LINGO2: variants seen among roughly 807,000 people sequenced by gnomAD.
LINGO2 encodes the protein leucine-rich repeat and immunoglobulin-like domain-containing nogo receptor-interacting protein 2.
LINGO2 carries 14 observed loss-of-function variants against 30.6 expected under a neutral mutation model. That is an observed-to-expected ratio of 0.46 (90% CI 0.30 to 0.72). The LOEUF (loss-of-function observed/expected upper bound fraction) is 0.72, where lower values mean the gene tolerates loss of function less well. LINGO2 is among the 30% of genes least tolerant of loss of function. The pLI, the probability that LINGO2 is intolerant of heterozygous loss-of-function variation, is 0.07. For synonymous variants in LINGO2, 317 were observed against 288.5 expected (o/e 1.10, Z -1.00); for missense variants, 729 against 751.7 (o/e 0.97, Z 0.35).
intron 4 of LINGO2, among the ~76,000 whole-genome samples, chr9:28,047,119 T>C (rs1003700308): frequency 6.6e-6 from 1 of 152,156 alleles, no homozygotes; most frequent in Non-Finnish European, 1.5e-5. Context: ...TGGCTTAACA[T>C]GTGGTCAGTG....
exon 6 of LINGO2, chr9:27,950,396 G>T (rs1478506267): frequency 1.2e-6 from 2 of 1,614,162 alleles, no homozygotes; most frequent in East Asian, 2.2e-5. Flanking sequence ...CATTGGCAAT[G>T]ATGTTGTCAC....
the LINGO2 span, among the ~76,000 whole-genome samples, chr9:29,055,456 T>C: frequency 2.0e-5 from 3 of 152,210 alleles, no homozygotes; most frequent in Non-Finnish European, 4.4e-5. Flanking sequence ...TGTCGGTCTA[T>C]GGACATTTAG....
intron 2 of LINGO2, among the ~76,000 whole-genome samples, chr9:28,400,643 A>T (rs952747561): frequency 8.5e-5 from 13 of 152,216 alleles, no homozygotes; most frequent in Non-Finnish European, 1.3e-4. Context: ...TGATAGCTCA[A>T]ACCTTGAACA....
At chr9:28,326,482 C>G (rs1303045773) in intron 3 of LINGO2, among the ~76,000 whole-genome samples, 3 of 152,140 alleles carry the variant, frequency 2.0e-5, no homozygotes, top group Non-Finnish European at 4.4e-5. Context: ...ACTTGATATT[C>G]TATATCACTG....
At chr9:28,392,554 A>G (rs1821881568) in intron 2 of LINGO2, among the ~76,000 whole-genome samples, 1 of 152,170 alleles carries the variant, frequency 6.6e-6, no homozygotes, top group South Asian at 2.1e-4. Flanking sequence ...CGGACCTTCC[A>G]TGCTCTCTTC....
chr9:28,118,013 T>A (rs965552710), intron 4 of LINGO2, among the ~76,000 whole-genome samples: 3 of 150,890 alleles, frequency 2.0e-5, no homozygotes, highest in Admixed American at 1.3e-4. Flanking sequence ...GTCTTACTTA[T>A]AAGTGGGAGC....
the LINGO2 span, among the ~76,000 whole-genome samples, chr9:29,192,081 G>A: frequency 2.6e-5 from 4 of 151,926 alleles, no homozygotes; most frequent in East Asian, 1.9e-4. Context: ...ACAGTTACCC[G>A]CACCCTCCAA....
the LINGO2 span, among the ~76,000 whole-genome samples, chr9:28,840,859 C>T: frequency 5.3e-5 from 8 of 151,930 alleles, no homozygotes; most frequent in Non-Finnish European, 1.0e-4. Flanking sequence ...TTACCTTCAT[C>T]TCATACATTC....
Position 28,163,349 on chromosome 9 carries a change from A to G in LINGO2, c.-87+131859T>C, listed in dbSNP as rs1240964895. ...AGTGTGTGAGTATGAACAGCATGCC[A>G]AGAGGTTAGTAATAACTAGACACTG... On this transcript the variant is annotated intron_variant, in intron 4 of 5. Transcript: ENST00000379992. Among the ~76,000 whole-genome samples, 3 of 152,172 alleles carry G rather than the reference A, an allele frequency of 2.0e-5. No homozygotes were observed. In the South Asian group the frequency reaches 6.2e-4, roughly 31 times the overall value.
chr9:28,293,609 G>T (rs1345594368), intron 4 of LINGO2, among the ~76,000 whole-genome samples: 2 of 151,960 alleles, frequency 1.3e-5, no homozygotes, highest in African/African-American at 4.8e-5. Context: ...TTGATTGATG[G>T]TATTGTCCAA....
chr9:28,394,623 G>C (rs1002160134), intron 2 of LINGO2, among the ~76,000 whole-genome samples: 3 of 152,154 alleles, frequency 2.0e-5, no homozygotes, highest in African/African-American at 4.8e-5. Flanking sequence ...CTCCCTTGAT[G>C]TCTTTTGTTT....
chr9:27,999,104 C>G (rs1821813673), intron 5 of LINGO2, among the ~76,000 whole-genome samples: 1 of 151,804 alleles, frequency 6.6e-6, no homozygotes, highest in South Asian at 2.1e-4. Context: ...TAAAATAATA[C>G]CTGGAAGAAG....
intron 1 of LINGO2, among the ~76,000 whole-genome samples, chr9:28,524,082 A>G (rs1347861974): frequency 6.6e-6 from 1 of 152,176 alleles, no homozygotes; most frequent in South Asian, 2.1e-4. Context: ...TAGACATAGA[A>G]ATCAATGGAA....
intron 4 of LINGO2, among the ~76,000 whole-genome samples, chr9:28,242,237 G>T (rs1422809552): frequency 6.6e-6 from 1 of 152,162 alleles, no homozygotes; most frequent in Non-Finnish European, 1.5e-5. Context: ...CAAAATGTTA[G>T]AGGAGGTGGT....
intron 1 of LINGO2, among the ~76,000 whole-genome samples, chr9:28,507,212 A>AGTGTGTGTGTGTGTGT (rs74182511): frequency 1.0e-3 from 154 of 148,990 alleles, no homozygotes; most frequent in African/African-American, 3.4e-3. Context: ...ATTTCAGAGG[A>AGTGTGTGTGTGTGTGT]GTGTGTGTGT....
At chr9:29,197,096 A>G in the LINGO2 span, among the ~76,000 whole-genome samples, 1 of 152,042 alleles carries the variant, frequency 6.6e-6, no homozygotes, top group Non-Finnish European at 1.5e-5. Context: ...TTGGAATTTT[A>G]CAAAGTCCAA....
At chr9:28,839,266 T>A in the LINGO2 span, among the ~76,000 whole-genome samples, 1 of 152,104 alleles carries the variant, frequency 6.6e-6, no homozygotes, top group South Asian at 2.1e-4. Flanking sequence ...TTGTCCCACA[T>A]CCAGGAAGAA....
chr9:28,794,598 C>G, the LINGO2 span, among the ~76,000 whole-genome samples: 1 of 152,172 alleles, frequency 6.6e-6, no homozygotes, highest in Non-Finnish European at 1.5e-5. Context: ...TAACAGACTA[C>G]TACCTTCATT....
intron 1 of LINGO2, among the ~76,000 whole-genome samples, chr9:28,494,127 ATTTG>A (rs945963715): frequency 6.6e-6 from 1 of 152,174 alleles, no homozygotes; most frequent in African/African-American, 2.4e-5. Flanking sequence ...ATTAACATAT[ATTTG>A]TTTGGTGCAA....
Sources: gnomAD v4.1 joint callset for allele counts (sites outside exome capture counted in the v4.1 genomes callset) on GRCh38, gnomAD v4.1.1 for gene constraint, MANE v1.5 for transcripts, NCBI Gene and HGNC (gene_info 2026-07-23, HGNC 2026-07-21) for gene names.